Variants in GCNT1 observed in about 807,000 individuals in gnomAD.
GCNT1 encodes glucosaminyl (N-acetyl) transferase 1, also known as beta-1,3-galactosyl-O-glycosyl-glycoprotein beta-1,6-N-acetylglucosaminyltransferase.
A neutral mutation model predicts 26.2 loss-of-function variants in GCNT1; 16 were observed. The observed-to-expected ratio is 0.61, with a 90% CI of 0.41 to 0.93. The LOEUF (loss-of-function observed/expected upper bound fraction) is 0.93. Ranked by LOEUF, GCNT1 falls within the 40% of genes least tolerant of loss-of-function variation. GCNT1 has a pLI of 0.00. For synonymous variants in GCNT1, 183 were observed against 190.8 expected (o/e 0.96, Z 0.34); for missense variants, 477 against 526.7 (o/e 0.91, Z 0.92).
upstream of GCNT1, among the ~76,000 whole-genome samples, chr9:76,416,119 C>A (rs930071391): frequency 3.9e-5 from 6 of 152,202 alleles, no homozygotes; most frequent in East Asian, 1.9e-4. Flanking sequence ...CATCATACCC[C>A]CCATCCCATA....
intron 1 of GCNT1, among the ~76,000 whole-genome samples, chr9:76,446,293 G>A (rs947117148): frequency 9.2e-5 from 14 of 152,148 alleles, no homozygotes; most frequent in Admixed American, 9.2e-4. Context: ...AACATATAGA[G>A]GGTGTAAGAC....
the GCNT1 span, among the ~76,000 whole-genome samples, chr9:76,405,227 A>G: frequency 6.6e-6 from 1 of 152,052 alleles, no homozygotes; most frequent in Admixed American, 6.6e-5. Context: ...TTTAAAAAGC[A>G]GTTTTAGGTT....
At chr9:76,413,015 T>C in the GCNT1 span, among the ~76,000 whole-genome samples, 14 of 152,370 alleles carry the variant, frequency 9.2e-5, no homozygotes, top group East Asian at 2.7e-3. Flanking sequence ...TCTTGCTCCT[T>C]GCCTGCTGAT....
chr9:76,425,478 C>A (rs980674308), intron 1 of GCNT1, among the ~76,000 whole-genome samples: 11 of 152,214 alleles, frequency 7.2e-5, no homozygotes, highest in Admixed American at 5.9e-4. Context: ...CCACCTCGGC[C>A]TCCCAAAGTG....
the GCNT1 span, among the ~76,000 whole-genome samples, chr9:76,411,310 T>C: frequency 6.6e-6 from 1 of 152,254 alleles, no homozygotes; most frequent in South Asian, 2.1e-4. Context: ...TGGGGGTTTT[T>C]TTTGTTTGTT....
At chr9:76,490,882 G>A (rs1436742979) in intron 2 of GCNT1, among the ~76,000 whole-genome samples, 3 of 152,254 alleles carry the variant, frequency 2.0e-5, no homozygotes, top group Non-Finnish European at 2.9e-5. Flanking sequence ...CCCCTGTAAG[G>A]AAACCTGCTG....
rs1166705987 is a variant in GCNT1 at position 76,502,283 on chromosome 9, A to C, written c.-99A>C. 4 of 718,426 alleles carry C rather than the reference A, an allele frequency of 5.6e-6. No homozygotes were observed. Among genetic ancestry groups the C allele is most frequent in the Non-Finnish European group, 9.3e-6 (4 of 431,824 alleles). 44.5% of individuals were successfully genotyped at this position (718,426 alleles called of 1,614,324 possible). A position where few individuals can be genotyped will look rare whatever the true frequency, so the allele number is the denominator to read the frequency against. On this transcript the variant is annotated 5_prime_UTR_variant, in exon 4 of 4. Coordinates refer to ENST00000376730, the MANE Select transcript of GCNT1 (RefSeq NM_001490.5). Reference sequence around the variant, plus strand: ...ATGCCGTTGCAGCTCTGATAAATGCAAACTGACAACCTTCAAGGCCACGAC... The same window carrying C: ...ATGCCGTTGCAGCTCTGATAAATGCCAACTGACAACCTTCAAGGCCACGAC...
At chr9:76,456,958 G>A (rs535775992), upstream of GCNT1, among the ~76,000 whole-genome samples, 1 of 152,196 alleles carries the variant, frequency 6.6e-6, no homozygotes, top group Admixed American at 6.5e-5. Context: ...CTGAGTAACA[G>A]AGTGAGACCC....
the GCNT1 span, among the ~76,000 whole-genome samples, chr9:76,395,177 T>C: frequency 6.6e-6 from 1 of 152,260 alleles, no homozygotes; most frequent in South Asian, 2.1e-4. Context: ...ATACGCACGC[T>C]CCTAGGGAAG....
At chr9:76,482,776 C>A (rs954754041) in intron 2 of GCNT1, among the ~76,000 whole-genome samples, 1 of 150,864 alleles carries the variant, frequency 6.6e-6, no homozygotes, top group African/African-American at 2.4e-5. Context: ...TCCTGGGTAG[C>A]TGAGACTACA....
chr9:76,413,661 T>TTTTTG, the GCNT1 span, among the ~76,000 whole-genome samples: 2 of 114,392 alleles, frequency 1.7e-5, no homozygotes, highest in African/African-American at 3.3e-5. Flanking sequence ...TTGTTTTTTT[T>TTTTTG]TTTTTTGTTT....
the GCNT1 span, among the ~76,000 whole-genome samples, chr9:76,414,257 C>T: frequency 6.6e-6 from 1 of 152,114 alleles, no homozygotes; most frequent in Non-Finnish European, 1.5e-5. Context: ...TTTAGTGTGC[C>T]TTGTCATTTT....
chr9:76,429,487 CATTT>C (rs1823305182), intron 1 of GCNT1, among the ~76,000 whole-genome samples: 1 of 152,074 alleles, frequency 6.6e-6, no homozygotes, highest in African/African-American at 2.4e-5. Context: ...TAAAAACCAA[CATTT>C]ATTATTTCTC....
At chr9:76,409,612 AT>A in the GCNT1 span, among the ~76,000 whole-genome samples, 1 of 151,706 alleles carries the variant, frequency 6.6e-6, no homozygotes, top group Non-Finnish European at 1.5e-5. Flanking sequence ...TGGCCTGCTA[AT>A]TTTTGTGTTT....
At chr9:76,482,214 G>A (rs529402989) in intron 2 of GCNT1, among the ~76,000 whole-genome samples, 35 of 152,068 alleles carry the variant, frequency 2.3e-4, no homozygotes, top group Non-Finnish European at 4.7e-4. Flanking sequence ...TTGTACTTAC[G>A]AAAAACAGCA....
upstream of GCNT1, among the ~76,000 whole-genome samples, chr9:76,456,574 G>C (rs1320721360): frequency 1.3e-5 from 2 of 152,206 alleles, no homozygotes; most frequent in African/African-American, 4.8e-5. Context: ...TAATTGCTGT[G>C]ATTTCTGTTT....
At chr9:76,454,938 C>T (rs553154995), upstream of GCNT1, among the ~76,000 whole-genome samples, 397 of 150,284 alleles carry the variant, frequency 2.6e-3, 2 homozygotes, top group Non-Finnish European at 4.4e-3. Flanking sequence ...ACCTCCGCCT[C>T]CCGGGTTCAA....
At chr9:76,404,928 G>A in the GCNT1 span, among the ~76,000 whole-genome samples, 1 of 151,698 alleles carries the variant, frequency 6.6e-6, no homozygotes, top group South Asian at 2.1e-4. Context: ...AGATTCTCCT[G>A]CCTCAGCCTC....
At chr9:76,445,890 G>A (rs1823569641) in intron 1 of GCNT1, among the ~76,000 whole-genome samples, 3 of 152,042 alleles carry the variant, frequency 2.0e-5, no homozygotes, top group Admixed American at 2.0e-4. Flanking sequence ...TGAGGAGGGA[G>A]GATCTCTTAA....
Sources: gnomAD v4.1 joint callset for allele counts (sites outside exome capture counted in the v4.1 genomes callset) on GRCh38, gnomAD v4.1.1 for gene constraint, MANE v1.5 for transcripts, NCBI Gene and HGNC (gene_info 2026-07-23, HGNC 2026-07-21) for gene names.